ACSM3: variants seen among roughly 807,000 people sequenced by gnomAD.
The protein encoded by ACSM3 is acyl-coenzyme A synthetase ACSM3, mitochondrial.
A neutral mutation model predicts 74.1 loss-of-function variants in ACSM3; 61 were observed. The ratio of observed to expected loss-of-function variants is 0.82; its 90% CI spans 0.67 to 1.02. ACSM3 has a LOEUF of 1.02. Among genes scored for constraint, ACSM3 ranks in the 50% least tolerant of loss-of-function variants. The probability of loss-of-function intolerance (pLI) is 0.00; values close to 1 mark genes in which losing one functional copy is unlikely to be tolerated. For synonymous variants in ACSM3, 213 were observed against 241.5 expected, an observed-to-expected ratio of 0.88 and a Z score of 1.09; for missense variants, 660 against 697.0, an observed-to-expected ratio of 0.95 and a Z score of 0.60.
intron 1 of ACSM3, among the ~76,000 whole-genome samples, chr16:20,743,070 CT>C (rs1391796325): frequency 6.6e-6 from 1 of 151,348 alleles, no homozygotes; most frequent in Non-Finnish European, 1.5e-5. Context: ...TCCCGAGTAG[CT>C]GGGACTACAG....
chr16:20,784,849 G>A lies in ACSM3; in HGVS notation c.1020-135G>A, dbSNP rs1267189150. The A allele has an allele frequency of 1.4e-5, 12 of 829,972 alleles. No individual in the cohort carries two copies. In the Admixed American group the frequency reaches 3.7e-4, roughly 26 times the overall value. 51.4% of individuals were successfully genotyped at this position (829,972 alleles called of 1,614,324 possible). ...GTTGTATATGTTTATGGGGTAAAAT[G>A]GTTTGTTTTGTGCTAGGGAGAGGAA... On this transcript the variant is annotated intron_variant, in intron 7 of 13. Coordinates refer to ENST00000289416, the MANE Select transcript of ACSM3 (RefSeq NM_005622.4).
At chr16:20,710,083 G>T (rs571579352) in intron 1 of ACSM3, among the ~76,000 whole-genome samples, 5 of 152,296 alleles carry the variant, frequency 3.3e-5, no homozygotes, top group African/African-American at 1.2e-4. Context: ...ATTAGGACGT[G>T]CATGTTCTTT....
At chr16:20,676,098 CA>C (rs946082058) in intron 1 of ACSM3, 2 of 152,190 alleles carry the variant, frequency 1.3e-5, no homozygotes, top group South Asian at 4.1e-4. Context: ...GAATTAAGTT[CA>C]AAGAGATACA....
At chr16:20,715,835 T>C (rs2079759740) in intron 1 of ACSM3, among the ~76,000 whole-genome samples, 1 of 152,176 alleles carries the variant, frequency 6.6e-6, no homozygotes, top group Non-Finnish European at 1.5e-5. Flanking sequence ...TAGTATTTTA[T>C]TTGCTCATGA....
At chr16:20,774,827 C>T (rs886226563) in intron 2 of ACSM3, among the ~76,000 whole-genome samples, 1 of 152,184 alleles carries the variant, frequency 6.6e-6, no homozygotes, top group Admixed American at 6.5e-5. Context: ...ACCTCAGGTC[C>T]TTTGGCAGTG....
At chr16:20,755,847 T>C (rs1317017812) in intron 3 of ACSM3, among the ~76,000 whole-genome samples, 1 of 136,430 alleles carries the variant, frequency 7.3e-6, no homozygotes, top group African/African-American at 2.7e-5. Context: ...TGTGTTCTCA[T>C]TGTTCAATTC....
In ACSM3 at chr16:20,736,976, C is replaced by T. The variant is rs369783164; in HGVS notation, c.-189-12934C>T. 9.9e-5 allele frequency: 159 copies of T among 1,613,968 alleles called. No individual in the cohort carries two copies. In the African/African-American group the frequency reaches 1.0e-3, roughly 10 times the overall value. On this transcript the variant is annotated intron_variant, in intron 1 of 3. Transcript: ENST00000561584. The stretch of plus-strand genomic sequence containing the variant: ...CCTCATTTACCACCTGTGGATTAGA[C>T]GTTGGTTTTGTCTGCCCCAGCTCCT...
chr16:20,701,222 T>G (rs2079711913), intron 1 of ACSM3, among the ~76,000 whole-genome samples: 1 of 152,144 alleles, frequency 6.6e-6, no homozygotes, highest in Admixed American at 6.5e-5. Flanking sequence ...TTAAGCTAGT[T>G]TTTCCTGCTT....
At chr16:20,690,057 G>A (rs1322691214) in intron 1 of ACSM3, among the ~76,000 whole-genome samples, 2 of 152,206 alleles carry the variant, frequency 1.3e-5, no homozygotes, top group Non-Finnish European at 2.9e-5. Flanking sequence ...CTGTAACTGA[G>A]GGTTTTATTT....
intron 1 of ACSM3, among the ~76,000 whole-genome samples, chr16:20,745,384 A>T (rs114803099): frequency 0.012 from 1,817 of 152,182 alleles, 43 homozygotes; most frequent in African/African-American, 0.042. Flanking sequence ...CCAGTTCAAG[A>T]CCAGACTGGG....
intron 1 of ACSM3, chr16:20,741,904 C>A (rs776440126): frequency 3.3e-6 from 5 of 1,534,574 alleles, no homozygotes; most frequent in East Asian, 4.9e-5. Flanking sequence ...GGTCTGCAAT[C>A]GTGAAAGGGG....
intron 4 of ACSM3, among the ~76,000 whole-genome samples, chr16:20,778,265 G>A (rs1035261180): frequency 2.6e-5 from 4 of 152,194 alleles, no homozygotes; most frequent in Non-Finnish European, 5.9e-5. Flanking sequence ...GGGTTACTTG[G>A]AACTCTTGCC....
At position 20,741,602 on chromosome 16, in the gene ACSM3, G is replaced by A. The variant is rs747286216; in HGVS notation, c.-189-8308G>A. On this transcript the variant is annotated intron_variant, in intron 1 of 3. Coordinates refer to the ACSM3 transcript ENST00000561584. ...GCTCGTTCATATTGCAGGTGATGAG[G>A]ATGCCCTGTAGCCCGGGCTCTAGCT... 5.7e-6 allele frequency: 9 copies of A among 1,574,784 alleles called. No homozygotes were observed. The South Asian group carries it at 7.0e-5, about 12-fold the overall frequency.
chr16:20,741,497 C>CCG, intron 1 of ACSM3: 1 of 1,430,166 alleles, frequency 7.0e-7, no homozygotes, highest in South Asian at 1.4e-5. Flanking sequence ...CCGCCCACCC[C>CCG]GGGACCGGTA....
At chr16:20,685,136 G>T in intron 1 of ACSM3, 1 of 1,579,032 alleles carries the variant, frequency 6.3e-7, no homozygotes, top group South Asian at 1.1e-5. Context: ...AATATCTCAG[G>T]ACCCATTGGT....
In ACSM3 at chr16:20,711,568, G is replaced by A. The variant is rs560403109; in HGVS notation, c.-190+36746G>A. 3.6e-6 allele frequency: 5 copies of A among 1,408,402 alleles called. No individual in the cohort carries two copies. The African/African-American group carries it at 5.7e-5, about 16-fold the overall frequency. 87.2% of individuals were successfully genotyped at this position (1,408,402 alleles called of 1,614,324 possible). Reference sequence around the variant, plus strand: ...GGCCAAGTGCATTGTGGCCAGTGAGGAGGTGGTCCCAGTAGTGGAGTCCAT... The same window carrying A: ...GGCCAAGTGCATTGTGGCCAGTGAGAAGGTGGTCCCAGTAGTGGAGTCCAT... On this transcript the variant is annotated intron_variant, in intron 1 of 3. Coordinates refer to the ACSM3 transcript ENST00000561584.
chr16:20,681,636 TAGA>T (rs1230835392), intron 1 of ACSM3: 3 of 152,764 alleles, frequency 2.0e-5, no homozygotes, highest in Admixed American at 1.3e-4. Flanking sequence ...CCACTGCCAG[TAGA>T]AGAAGCTCAG....
upstream of ACSM3, among the ~76,000 whole-genome samples, chr16:20,761,371 T>C (rs1404063430): frequency 1.3e-5 from 2 of 152,232 alleles, no homozygotes; most frequent in South Asian, 2.1e-4. Flanking sequence ...TCCTTAACCA[T>C]GGCAAAATAA....
intron 1 of ACSM3, among the ~76,000 whole-genome samples, chr16:20,726,604 C>T (rs936353594): frequency 1.3e-5 from 2 of 152,212 alleles, no homozygotes; most frequent in African/African-American, 4.8e-5. Flanking sequence ...GTTTGAGAAG[C>T]AAGCTGTTCT....
Sources: gnomAD v4.1 joint callset for allele counts (sites outside exome capture counted in the v4.1 genomes callset) on GRCh38, gnomAD v4.1.1 for gene constraint, MANE v1.5 for transcripts, NCBI Gene and HGNC (gene_info 2026-07-23, HGNC 2026-07-21) for gene names.